Variants in CACNA2D3 observed in about 807,000 individuals in gnomAD.
CACNA2D3 encodes calcium voltage-gated channel auxiliary subunit alpha2delta 3.
In CACNA2D3, 60 loss-of-function variants were observed where a neutral mutation model predicts 160.6. The observed-to-expected ratio is 0.37, with a 90% CI of 0.30 to 0.46. The LOEUF is 0.46. Ranked by LOEUF, CACNA2D3 falls within the 20% of genes least tolerant of loss-of-function variation. The pLI, the probability that CACNA2D3 is intolerant of heterozygous loss-of-function variation, is 1.00. For synonymous variants in CACNA2D3, 558 were observed against 492.9 expected, an observed-to-expected ratio of 1.13 and a Z score of -1.75; for missense variants, 1,205 against 1,365.0, an observed-to-expected ratio of 0.88 and a Z score of 1.85.
chr3:54,638,915 A>G (rs1559535199), intron 10 of CACNA2D3: 1 of 152,002 alleles, frequency 6.6e-6, no homozygotes, highest in Admixed American at 6.5e-5. Context: ...TTAAGAATAC[A>G]TGCTAAGGGA....
At chr3:54,249,699 C>CACACA (rs1559895840) in intron 2 of CACNA2D3, among the ~76,000 whole-genome samples, 4 of 131,786 alleles carry the variant, frequency 3.0e-5, no homozygotes, top group African/African-American at 1.3e-4. Context: ...ACACACACAC[C>CACACA]CCTCATCCTA....
chr3:54,390,263 G>A (rs1271446201), intron 4 of CACNA2D3, among the ~76,000 whole-genome samples: 1 of 152,186 alleles, frequency 6.6e-6, no homozygotes, highest in Non-Finnish European at 1.5e-5. Context: ...TTTTCCAAGA[G>A]TGTTCTGATT....
In CACNA2D3 at chr3:54,837,207, G is replaced by T. The variant is rs537549268; in HGVS notation, c.1447G>T (p.Val483Leu). The change falls in exon 15 of 38, where the codon GTG becomes TTG. Residue 483 changes from valine to leucine, a missense_variant. Val to Leu is a conservative substitution (Grantham distance 32). Coordinates refer to ENST00000474759, the MANE Select transcript of CACNA2D3 (RefSeq NM_018398.3). ...PVLMTTVAMPVFSKQNETRSK... is the reference protein window; with the variant it reads ...PVLMTTVAMPLFSKQNETRSK... ...CCTGATGACCACTGTAGCCATGCCTGTGTTTAGTAAGCAGAACGAAACCGT... is the reference window on the plus strand; with the variant it reads ...CCTGATGACCACTGTAGCCATGCCTTTGTTTAGTAAGCAGAACGAAACCGT... 2.9e-5 allele frequency: 47 copies of T among 1,613,998 alleles called. 1 individual carries two copies. The Admixed American group carries it at 6.0e-4, about 21-fold the overall frequency.
chr3:54,414,280 A>G (rs1024466560), intron 4 of CACNA2D3, among the ~76,000 whole-genome samples: 12 of 152,222 alleles, frequency 7.9e-5, no homozygotes, highest in Non-Finnish European at 4.4e-5. Context: ...TTTCTGTTAT[A>G]GAATCTTGAA....
intron 2 of CACNA2D3, among the ~76,000 whole-genome samples, chr3:54,160,456 C>T (rs569967484): frequency 1.4e-3 from 219 of 152,188 alleles, no homozygotes; most frequent in African/African-American, 5.0e-3. Flanking sequence ...GCCAAGATTG[C>T]GCCACTGTAC....
At chr3:54,985,474 G>T (rs1315004131) in intron 30 of CACNA2D3, among the ~76,000 whole-genome samples, 1 of 152,118 alleles carries the variant, frequency 6.6e-6, no homozygotes, top group Non-Finnish European at 1.5e-5. Flanking sequence ...ATAAAGTAAC[G>T]CCATCACAGG....
Position 54,839,151 on chromosome 3 carries a change from G to A in CACNA2D3, c.1551+503G>A, listed in dbSNP as rs529357245. ...CAGGCGCCTGTAGTCCCAGCTGCTC[G>A]GGAGGCTGAGGCAGGAGAATGGCGT... On this transcript the variant is annotated intron_variant, in intron 16 of 37. Coordinates refer to ENST00000474759, the MANE Select transcript of CACNA2D3 (RefSeq NM_018398.3). 5.5e-4 allele frequency among the ~76,000 whole-genome samples: 84 copies of A among 152,234 alleles called. 1 individual carries two copies. Among genetic ancestry groups the A allele is most frequent in the Non-Finnish European group, 1.0e-3 (70 of 68,008 alleles).
chr3:54,348,928 A>G (rs1247768265), intron 3 of CACNA2D3, among the ~76,000 whole-genome samples: 3 of 152,024 alleles, frequency 2.0e-5, no homozygotes, highest in Non-Finnish European at 2.9e-5. Flanking sequence ...GGGTTACACT[A>G]TGTTGGCCAG....
chr3:54,969,140 G>GT (rs1702218148), intron 28 of CACNA2D3, among the ~76,000 whole-genome samples: 1 of 151,642 alleles, frequency 6.6e-6, no homozygotes, highest in African/African-American at 2.4e-5. Flanking sequence ...ATGGACAGGG[G>GT]TTTTTTAAAG....
At position 54,817,176 on chromosome 3, in the gene CACNA2D3, G is replaced by A. The variant is rs1018114150; in HGVS notation, c.1398+306G>A. ...ATAAGTTTGACACATTCCTTCCAATGTAGCATTCCAGGCCTTCTCTGAGGT... is the reference window on the plus strand; with the variant it reads ...ATAAGTTTGACACATTCCTTCCAATATAGCATTCCAGGCCTTCTCTGAGGT... On this transcript the variant is annotated intron_variant, in intron 14 of 37. Transcript: ENST00000474759. Among the ~76,000 whole-genome samples the A allele has an allele frequency of 1.8e-4, 28 of 152,178 alleles. 1 individual carries two copies. The highest frequency in any genetic ancestry group is 2.9e-5 in the Non-Finnish European group (2 of 68,042).
chr3:54,750,650 T>G (rs553277547), intron 11 of CACNA2D3, among the ~76,000 whole-genome samples: 1 of 152,216 alleles, frequency 6.6e-6, no homozygotes, highest in South Asian at 2.1e-4. Flanking sequence ...CCTCAGTTTC[T>G]CCCCTCAATC....
chr3:54,848,938 A>G (rs2106779197), intron 17 of CACNA2D3, among the ~76,000 whole-genome samples: 1 of 152,322 alleles, frequency 6.6e-6, no homozygotes, highest in Admixed American at 6.5e-5. Context: ...AGTAGTGGTT[A>G]TTTGGACATC....
chr3:54,733,120 C>T (rs1358214407), intron 11 of CACNA2D3, among the ~76,000 whole-genome samples: 1 of 152,138 alleles, frequency 6.6e-6, no homozygotes, highest in African/African-American at 2.4e-5. Context: ...ACTTTGAGGG[C>T]CTTGGACGAA....
intron 14 of CACNA2D3, among the ~76,000 whole-genome samples, chr3:54,832,081 T>G (rs1342369600): frequency 2.0e-5 from 3 of 148,808 alleles, no homozygotes; most frequent in East Asian, 4.0e-4. Flanking sequence ...CTGTTGAGTT[T>G]ATTTTATTCA....
intron 4 of CACNA2D3, among the ~76,000 whole-genome samples, chr3:54,428,629 C>T (rs1362115399): frequency 6.6e-6 from 1 of 151,678 alleles, no homozygotes; most frequent in African/African-American, 2.4e-5. Context: ...TTGTGTCCAC[C>T]CAAATGGGCC....
intron 11 of CACNA2D3, among the ~76,000 whole-genome samples, chr3:54,728,767 C>T (rs1451616363): frequency 6.6e-6 from 1 of 152,210 alleles, no homozygotes; most frequent in Non-Finnish European, 1.5e-5. Context: ...CAGGCTTAGC[C>T]ATTTCAGAGG....
chr3:54,812,235 T>C (rs914918504), intron 13 of CACNA2D3, among the ~76,000 whole-genome samples: 1 of 152,176 alleles, frequency 6.6e-6, no homozygotes, highest in East Asian at 1.9e-4. Flanking sequence ...ATATCTTTAA[T>C]AGAGTCATTT....
In CACNA2D3 at chr3:54,778,778, G is replaced by A. The variant is rs151154736; in HGVS notation, c.1380+14427G>A. ...TTGGAGGGCATGTGAAAATATCTGCGTTTTCTAGCTGTTAGATAAGAATGG... is the reference window on the plus strand; with the variant it reads ...TTGGAGGGCATGTGAAAATATCTGCATTTTCTAGCTGTTAGATAAGAATGG... On this transcript the variant is annotated intron_variant, in intron 13 of 37. Coordinates refer to ENST00000474759, the MANE Select transcript of CACNA2D3 (RefSeq NM_018398.3). Among the ~76,000 whole-genome samples the A allele has an allele frequency of 3.3e-5, 5 of 152,226 alleles. No individual in the cohort carries two copies. In the East Asian group the frequency reaches 9.7e-4, roughly 29 times the overall value.
chr3:54,468,964 A>G (rs1462735376), intron 4 of CACNA2D3, among the ~76,000 whole-genome samples: 1 of 152,158 alleles, frequency 6.6e-6, no homozygotes, highest in African/African-American at 2.4e-5. Context: ...TCCCTGGTAA[A>G]GAGCACCTGG....
Sources: allele counts gnomAD v4.1 joint callset (sites outside exome capture counted in the v4.1 genomes callset), GRCh38; gene constraint gnomAD v4.1.1; transcripts MANE v1.5; gene names NCBI Gene and HGNC (gene_info 2026-07-23, HGNC 2026-07-21).